The following LINGO2 variants were observed in gnomAD, a reference collection of about 807,000 sequenced individuals.
LINGO2 encodes the protein leucine rich repeat and Ig domain containing 2, also known as leucine-rich repeat and immunoglobulin-like domain-containing nogo receptor-interacting protein 2.
In LINGO2, 14 loss-of-function variants were observed where a neutral mutation model predicts 30.6. That is an observed-to-expected ratio of 0.46 (90% CI 0.30 to 0.72). The LOEUF (loss-of-function observed/expected upper bound fraction) is 0.72. Ranked by LOEUF, LINGO2 falls within the 30% of genes least tolerant of loss-of-function variation. The pLI is 0.07. For synonymous variants in LINGO2, 317 were observed against 288.5 expected, an observed-to-expected ratio of 1.10 and a Z score of -1.00; for missense variants, 729 against 751.7, an observed-to-expected ratio of 0.97 and a Z score of 0.35.
At chr9:28,283,987 A>G (rs957063860) in intron 4 of LINGO2, among the ~76,000 whole-genome samples, 2 of 152,124 alleles carry the variant, frequency 1.3e-5, no homozygotes, top group East Asian at 3.9e-4. Flanking sequence ...ACAATGTTCC[A>G]TTTGCTCACT....
At chr9:28,052,771 A>G (rs1449092586) in intron 4 of LINGO2, among the ~76,000 whole-genome samples, 1 of 152,074 alleles carries the variant, frequency 6.6e-6, no homozygotes, top group Non-Finnish European at 1.5e-5. Flanking sequence ...AGTGGGAGAG[A>G]AGAGACATCT....
At chr9:29,052,834 G>A in the LINGO2 span, among the ~76,000 whole-genome samples, 1 of 152,092 alleles carries the variant, frequency 6.6e-6, no homozygotes, top group South Asian at 2.1e-4. Flanking sequence ...CCAACCATTA[G>A]TTGGTCAATT....
At chr9:28,173,425 GA>G (rs952962001) in intron 4 of LINGO2, among the ~76,000 whole-genome samples, 1 of 152,112 alleles carries the variant, frequency 6.6e-6, no homozygotes, top group Non-Finnish European at 1.5e-5. Context: ...ATAACAGGAG[GA>G]AAAAATTCAA....
At chr9:29,114,077 A>G in the LINGO2 span, among the ~76,000 whole-genome samples, 1 of 151,978 alleles carries the variant, frequency 6.6e-6, no homozygotes, top group African/African-American at 2.4e-5. Flanking sequence ...ATCATTAGGT[A>G]TCCCCCTTAA....
At chr9:28,587,600 CT>C (rs1224800925) in intron 1 of LINGO2, among the ~76,000 whole-genome samples, 1 of 151,820 alleles carries the variant, frequency 6.6e-6, no homozygotes, top group Non-Finnish European at 1.5e-5. Flanking sequence ...AAGCAGAATC[CT>C]TTGGTCTCCT....
At chr9:29,211,316 C>T in the LINGO2 span, among the ~76,000 whole-genome samples, 2 of 152,158 alleles carry the variant, frequency 1.3e-5, no homozygotes, top group Non-Finnish European at 2.9e-5. Context: ...TGCTTAGACA[C>T]ACTCATCAAA....
At chr9:28,050,813 CAT>C (rs1442173096) in intron 4 of LINGO2, among the ~76,000 whole-genome samples, 2 of 150,778 alleles carry the variant, frequency 1.3e-5, no homozygotes, top group Non-Finnish European at 2.9e-5. Context: ...AATGCATTCA[CAT>C]AGAGGAATAA....
intron 1 of LINGO2, among the ~76,000 whole-genome samples, chr9:28,657,500 A>G (rs1157672317): frequency 6.6e-6 from 1 of 152,024 alleles, no homozygotes; most frequent in Non-Finnish European, 1.5e-5. Flanking sequence ...ATGTTTCTAC[A>G]AATTTGTCCA....
intron 1 of LINGO2, among the ~76,000 whole-genome samples, chr9:28,545,408 C>G (rs1378242841): frequency 6.6e-6 from 1 of 152,036 alleles, no homozygotes; most frequent in Admixed American, 6.6e-5. Flanking sequence ...TAAAATATAT[C>G]TGCTGGATGG....
At chr9:28,490,901 T>C (rs1211749797) in intron 1 of LINGO2, among the ~76,000 whole-genome samples, 2 of 152,186 alleles carry the variant, frequency 1.3e-5, no homozygotes, top group Admixed American at 1.3e-4. Context: ...AAAGGGTGTA[T>C]GTAAAAGATG....
intron 1 of LINGO2, among the ~76,000 whole-genome samples, chr9:28,496,768 A>G (rs1587756031): frequency 6.6e-6 from 1 of 152,248 alleles, no homozygotes; most frequent in South Asian, 2.1e-4. Context: ...GGTCTTTACA[A>G]TTTGGCATGT....
At chr9:29,039,637 C>G in the LINGO2 span, among the ~76,000 whole-genome samples, 1 of 152,118 alleles carries the variant, frequency 6.6e-6, no homozygotes, top group Non-Finnish European at 1.5e-5. Flanking sequence ...CTTTAGTTTG[C>G]CCATGGCTAC....
the LINGO2 span, among the ~76,000 whole-genome samples, chr9:28,867,322 AT>A: frequency 6.6e-6 from 1 of 152,172 alleles, no homozygotes; most frequent in East Asian, 1.9e-4. Context: ...CCTACTGGTT[AT>A]TTTTTTCTCC....
chr9:28,059,023 C>G (rs1825054520), intron 4 of LINGO2, among the ~76,000 whole-genome samples: 1 of 151,852 alleles, frequency 6.6e-6, no homozygotes, highest in South Asian at 2.1e-4. Flanking sequence ...TCAATTATAC[C>G]AAGTATTTTA....
the LINGO2 span, among the ~76,000 whole-genome samples, chr9:28,752,583 C>G: frequency 6.6e-6 from 1 of 152,002 alleles, no homozygotes; most frequent in Non-Finnish European, 1.5e-5. Context: ...TGTGAAATAT[C>G]TCAATTATAT....
intron 1 of LINGO2, among the ~76,000 whole-genome samples, chr9:28,479,305 G>A (rs1028332708): frequency 1.1e-4 from 16 of 151,706 alleles, no homozygotes; most frequent in Non-Finnish European, 2.1e-4. Context: ...TTTTTTTAAA[G>A]AATCATATCT....
At chr9:28,336,233 G>A (rs2134366808) in intron 3 of LINGO2, among the ~76,000 whole-genome samples, 2 of 152,166 alleles carry the variant, frequency 1.3e-5, no homozygotes, top group Middle Eastern at 3.4e-3. Context: ...TTAGAAAGAT[G>A]TTTAAGACTT....
chr9:28,662,395 A>G lies in LINGO2; in HGVS notation c.-365+7805T>C, dbSNP rs570753692. 2.0e-5 allele frequency among the ~76,000 whole-genome samples: 3 copies of G among 152,302 alleles called. No homozygotes were observed. The East Asian group carries it at 5.8e-4, about 29-fold the overall frequency. The stretch of plus-strand genomic sequence containing the variant: ...AAATTGTTCTTGACACAGACTTAGA[A>G]TGTTAATATTTATCAACTTTTTACC... On this transcript the variant is annotated intron_variant, in intron 1 of 5. Coordinates refer to ENST00000379992, the Ensembl canonical transcript of LINGO2.
intron 4 of LINGO2, among the ~76,000 whole-genome samples, chr9:28,048,109 G>A (rs967869135): frequency 1.3e-5 from 2 of 150,726 alleles, no homozygotes; most frequent in African/African-American, 4.9e-5. Flanking sequence ...GAAGGGGTAG[G>A]AAAATTAGAA....
Sources: allele counts gnomAD v4.1 joint callset (sites outside exome capture counted in the v4.1 genomes callset), GRCh38; gene constraint gnomAD v4.1.1; transcripts MANE v1.5; gene names NCBI Gene and HGNC (gene_info 2026-07-23, HGNC 2026-07-21).